The following CEP63 variants were observed in gnomAD, a reference collection of about 807,000 sequenced individuals.
CEP63 encodes the protein centrosomal protein of 63 kDa.
A neutral mutation model predicts 89.1 loss-of-function variants in CEP63; 84 were observed. The ratio of observed to expected loss-of-function variants is 0.94; its 90% confidence interval spans 0.79 to 1.13. The LOEUF (loss-of-function observed/expected upper bound fraction) is 1.13. Among genes scored for constraint, CEP63 ranks in the 50% most tolerant of loss-of-function variants. The probability of loss-of-function intolerance (pLI) is 0.00; values close to 1 mark genes in which losing one functional copy is unlikely to be tolerated. For synonymous variants in CEP63, 267 were observed against 272.5 expected (o/e 0.98, Z 0.20); for missense variants, 838 against 813.3 (o/e 1.03, Z -0.37).
At chr3:134,726,285 C>G in the CEP63 span, among the ~76,000 whole-genome samples, 80 of 152,256 alleles carry the variant, frequency 5.3e-4, 2 homozygotes, top group Non-Finnish European at 5.9e-5. Flanking sequence ...CCTTTCAAAA[C>G]CTTTCTGGGC....
chr3:134,638,990 A>G, the CEP63 span, among the ~76,000 whole-genome samples: 3,030 of 149,618 alleles, frequency 0.02, 99 homozygotes, highest in African/African-American at 0.071. Flanking sequence ...AATACTTGCC[A>G]TCATTGGTTT....
chr3:134,487,667 C>A (rs1043863187), intron 1 of CEP63, among the ~76,000 whole-genome samples: 4 of 152,206 alleles, frequency 2.6e-5, no homozygotes, highest in Admixed American at 6.5e-5. Flanking sequence ...AGTCCGCCTC[C>A]CCGCCCCCAT....
chr3:134,779,369 A>G, the CEP63 span, among the ~76,000 whole-genome samples: 1 of 152,168 alleles, frequency 6.6e-6, no homozygotes, highest in African/African-American at 2.4e-5. Context: ...CTATTTTACA[A>G]TGATGGGCAT....
intron 3 of CEP63, among the ~76,000 whole-genome samples, chr3:134,513,826 C>G (rs1945574052): frequency 6.6e-6 from 1 of 152,152 alleles, no homozygotes; most frequent in Non-Finnish European, 1.5e-5. Context: ...AAGAGTGCTA[C>G]TGTCCCCAGG....
At chr3:134,743,382 C>T in the CEP63 span, among the ~76,000 whole-genome samples, 1 of 152,118 alleles carries the variant, frequency 6.6e-6, no homozygotes, top group Non-Finnish European at 1.5e-5. Context: ...AGAAAATTCT[C>T]GCTGGTAGAG....
At chr3:134,700,004 C>T in the CEP63 span, among the ~76,000 whole-genome samples, 1 of 152,262 alleles carries the variant, frequency 6.6e-6, no homozygotes, top group Non-Finnish European at 1.5e-5. Flanking sequence ...AAGAGGCTCT[C>T]ACTTTCAGGG....
At chr3:134,643,190 C>G in the CEP63 span, 1 of 793,252 alleles carries the variant, frequency 1.3e-6, no homozygotes, top group Non-Finnish European at 2.0e-6. Flanking sequence ...TTTCCAACAC[C>G]CATGGGAGCA....
chr3:134,501,784 T>C (rs1361181105), intron 2 of CEP63, among the ~76,000 whole-genome samples: 1 of 152,228 alleles, frequency 6.6e-6, no homozygotes, highest in African/African-American at 2.4e-5. Flanking sequence ...AGATAGATAA[T>C]TTGACTTTTT....
chr3:134,664,061 G>A, the CEP63 span, among the ~76,000 whole-genome samples: 39 of 152,284 alleles, frequency 2.6e-4, no homozygotes, highest in Non-Finnish European at 4.7e-4. Context: ...ACAAGACTCG[G>A]GCCTTCCCTC....
At chr3:134,509,253 C>G (rs1944274057) in intron 3 of CEP63, among the ~76,000 whole-genome samples, 1 of 152,158 alleles carries the variant, frequency 6.6e-6, no homozygotes, top group Non-Finnish European at 1.5e-5. Context: ...GCAGGCCTAT[C>G]TTCACGTGGT....
At chr3:134,492,264 G>A (rs1457298715) in intron 1 of CEP63, among the ~76,000 whole-genome samples, 1 of 151,912 alleles carries the variant, frequency 6.6e-6, no homozygotes, top group African/African-American at 2.4e-5. Context: ...AGTAGAGACG[G>A]GGTTTCACCG....
At chr3:134,494,286 T>TC (rs558894125) in intron 1 of CEP63, among the ~76,000 whole-genome samples, 445 of 151,980 alleles carry the variant, frequency 2.9e-3, no homozygotes, top group African/African-American at 0.01. Context: ...AGCTAATTTT[T>TC]TTTTTTTTTG....
At chr3:134,527,840 C>T (rs911061192) in intron 3 of CEP63, among the ~76,000 whole-genome samples, 44 of 152,170 alleles carry the variant, frequency 2.9e-4, no homozygotes, top group African/African-American at 1.1e-3. Flanking sequence ...ATGAGACCGG[C>T]CCCATATGAT....
chr3:134,768,827 T>A, the CEP63 span, among the ~76,000 whole-genome samples: 1 of 152,174 alleles, frequency 6.6e-6, no homozygotes, highest in Non-Finnish European at 1.5e-5. Context: ...AGGGAGACTA[T>A]CCAGACTTGG....
At chr3:134,665,198 C>T in the CEP63 span, among the ~76,000 whole-genome samples, 1 of 152,188 alleles carries the variant, frequency 6.6e-6, no homozygotes, top group Non-Finnish European at 1.5e-5. Context: ...TCCAGGGCAT[C>T]TACACTGCTG....
chr3:134,655,310 T>C, the CEP63 span, among the ~76,000 whole-genome samples: 1 of 152,166 alleles, frequency 6.6e-6, no homozygotes, highest in Admixed American at 6.5e-5. Context: ...CTGTGGCCAC[T>C]GTTCTCAAAC....
At chr3:134,690,531 C>T in the CEP63 span, among the ~76,000 whole-genome samples, 1 of 152,142 alleles carries the variant, frequency 6.6e-6, no homozygotes. Flanking sequence ...CAAGGTCCAG[C>T]CTTCCTCTTG....
chr3:134,559,579 GT>G, intron 14 of CEP63, 150 bp downstream of exon 14: 1 of 708,188 alleles, frequency 1.4e-6, no homozygotes, highest in Non-Finnish European at 2.3e-6. Context: ...CTGTCATACA[GT>G]TTTTGCTTGT....
the CEP63 span, among the ~76,000 whole-genome samples, chr3:134,709,059 G>C: frequency 6.6e-6 from 1 of 150,570 alleles, no homozygotes; most frequent in Admixed American, 6.6e-5. Context: ...TAAGACCCAG[G>C]GTACAGATGA....
Sources: allele counts gnomAD v4.1 joint callset (sites outside exome capture counted in the v4.1 genomes callset), GRCh38; gene constraint gnomAD v4.1.1; transcripts MANE v1.5; gene names NCBI Gene and HGNC (gene_info 2026-07-23, HGNC 2026-07-21).